ZNF333: variants seen among roughly 807,000 people sequenced by gnomAD.
ZNF333 encodes the protein zinc finger protein 333.
Under a neutral mutation model 76.1 loss-of-function variants are expected in ZNF333, and 61 were observed. The observed-to-expected ratio is 0.80, with a 90% CI of 0.65 to 0.99. The LOEUF is 0.99. Among genes scored for constraint, ZNF333 ranks in the 50% least tolerant of loss-of-function variants. The pLI, the probability that ZNF333 is intolerant of heterozygous loss-of-function variation, is 0.00. For synonymous variants in ZNF333, 284 were observed against 305.0 expected, an observed-to-expected ratio of 0.93 and a Z score of 0.72; for missense variants, 717 against 822.4, an observed-to-expected ratio of 0.87 and a Z score of 1.57.
rs1365242048 is a variant in ZNF333 at position 14,695,588 on chromosome 19, T to C, written c.150T>C (p.Ser50=). 3.1e-6 allele frequency: 5 copies of C among 1,613,976 alleles called. No individual in the cohort carries two copies. Among genetic ancestry groups the C allele is most frequent in the Middle Eastern group, 1.6e-4 (1 of 6,084 alleles). The change falls in exon 4 of 12, where the codon AGT becomes AGC. Residue 50 remains serine, a synonymous_variant. Coordinates refer to ENST00000292530, the MANE Select transcript of ZNF333 (RefSeq NM_032433.4). ...ASRGTPPCKP[S]CVSQLGQRAE... ...CAGGAACTCCACCATGCAAACCCAG[T>C]TGTGTCTCCCAGCTGGGGCAAAGAG...
chr19:14,719,538 A>G lies in ZNF333; in HGVS notation c.*213A>G. 9.2e-7 allele frequency: 1 copy of G among 1,088,142 alleles called. No homozygotes were observed. Among genetic ancestry groups the G allele is most frequent in the African/African-American group, 1.6e-5 (1 of 62,720 alleles). 67.4% of individuals were successfully genotyped at this position (1,088,142 alleles called of 1,614,324 possible). ...TGTGGATATATTTTCATAGAGGTAT[A>G]ATGACTTATAGTGAAATGCATACAT... is the stretch of plus-strand genomic sequence containing the variant. On this transcript the variant is annotated 3_prime_UTR_variant, in exon 12 of 12. Transcript: ENST00000292530.
intron 10 of ZNF333, 48 bp downstream of exon 10, chr19:14,717,137 A>T (rs1275485817): frequency 6.6e-7 from 1 of 1,519,582 alleles, no homozygotes; most frequent in East Asian, 2.4e-5. Flanking sequence ...CAGTAAGGGG[A>T]GTGTCCAGTT....
chr19:14,698,112 A>G (rs148930382), intron 4 of ZNF333, among the ~76,000 whole-genome samples: 1 of 152,232 alleles, frequency 6.6e-6, no homozygotes, highest in African/African-American at 2.4e-5. Context: ...TGGGCTGGGC[A>G]TGGTGGCTCA....
intron 7 of ZNF333, among the ~76,000 whole-genome samples, chr19:14,707,488 T>C (rs1270311132): frequency 1.3e-5 from 2 of 151,486 alleles, no homozygotes; most frequent in African/African-American, 4.8e-5. Flanking sequence ...ATTTTAACTT[T>C]AACAGTAAGG....
intron 7 of ZNF333, among the ~76,000 whole-genome samples, chr19:14,713,218 C>T (rs1036333147): frequency 6.6e-6 from 1 of 152,078 alleles, no homozygotes; most frequent in South Asian, 2.1e-4. Flanking sequence ...ATGGGGCAAG[C>T]AAAGGATAGA....
intron 2 of ZNF333, 39 bp from the exon 3 acceptor site, chr19:14,694,971 G>T: frequency 1.9e-6 from 3 of 1,613,506 alleles, no homozygotes; most frequent in Non-Finnish European, 1.7e-6. Context: ...CAGTGGTGGG[G>T]GTGGTATTTG....
At chr19:14,706,243 C>T (rs2042107095) in intron 6 of ZNF333, 1 of 451,144 alleles carries the variant, frequency 2.2e-6, no homozygotes, top group Non-Finnish European at 4.5e-6. Flanking sequence ...AGACGTGTTT[C>T]CTGAGCGAGC....
chr19:14,731,564 C>T (rs2524368), exon 12 of ZNF333: 47,145 of 207,436 alleles, frequency 0.23, 5,634 homozygotes, highest in Non-Finnish European at 0.25. Context: ...GTTCTTCAAA[C>T]GTGTACCCTA....
chr19:14,721,926 C>T (rs915295891), downstream of ZNF333: 20 of 152,318 alleles, frequency 1.3e-4, no homozygotes, highest in African/African-American at 4.6e-4. Flanking sequence ...ATTCATTTCT[C>T]TTGAGTATAA....
intron 1 of ZNF333, among the ~76,000 whole-genome samples, chr19:14,693,141 A>G (rs1430884717): frequency 6.6e-6 from 1 of 152,206 alleles, no homozygotes; most frequent in African/African-American, 2.4e-5. Context: ...AGTTGGAGAG[A>G]GAGAGGCCAA....
chr19:14,695,784 A>T (rs1463664172), intron 4 of ZNF333, 123 bp downstream of exon 4: 2 of 753,054 alleles, frequency 2.7e-6, no homozygotes. Context: ...ATTCGGAGTG[A>T]GGTTTCTCAA....
intron 5 of ZNF333, among the ~76,000 whole-genome samples, chr19:14,699,609 C>T (rs1973536011): frequency 6.6e-6 from 1 of 151,748 alleles, no homozygotes; most frequent in Non-Finnish European, 1.5e-5. Flanking sequence ...TGCAGGCGTG[C>T]ACCACCACGT....
In ZNF333 at chr19:14,706,847, C is replaced by T. The variant is rs2042125408; in HGVS notation, c.511+74C>T. On this transcript the variant is annotated intron_variant, in intron 7 of 11. Coordinates refer to ENST00000292530, the MANE Select transcript of ZNF333 (RefSeq NM_032433.4). ...TGTGTTCTGTCCAGGAACTTGTATC[C>T]TATCCTGCCTGCATTTCCTCTGACT... The T allele has an allele frequency of 2.3e-6, 3 of 1,299,304 alleles. No homozygotes were observed. The Middle Eastern group carries it at 7.9e-4, about 342-fold the overall frequency. 80.5% of individuals were successfully genotyped at this position (1,299,304 alleles called of 1,614,324 possible).
At chr19:14,711,356 C>G (rs2146997859) in intron 7 of ZNF333, among the ~76,000 whole-genome samples, 1 of 152,292 alleles carries the variant, frequency 6.6e-6, no homozygotes, top group Non-Finnish European at 1.5e-5. Context: ...CCATCCAGGC[C>G]TGCTGGGTTA....
At chr19:14,705,476 C>T (rs74565235) in intron 6 of ZNF333, among the ~76,000 whole-genome samples, 3,526 of 152,250 alleles carry the variant, frequency 0.023, 153 homozygotes, top group African/African-American at 0.079. Context: ...TCCATAACCT[C>T]GAAACTGACA....
chr19:14,697,357 C>CTTTTTTTTTTTTTTTTTT (rs139125023), intron 4 of ZNF333, among the ~76,000 whole-genome samples: 2 of 90,826 alleles, frequency 2.2e-5, no homozygotes, highest in Non-Finnish European at 4.4e-5. Context: ...TTTTTCTTTT[C>CTTTTTTTTTTTTTTTTTT]TTTTTTTTTT....
Position 14,721,168 on chromosome 19 carries a change from C to A in ZNF333, c.*1843C>A. ...TATCCCCAATTCCCAGATGAGGAAGCTGAGGCCCAGCAAGTTAAGGTGGGC... is the reference window on the plus strand; with the variant it reads ...TATCCCCAATTCCCAGATGAGGAAGATGAGGCCCAGCAAGTTAAGGTGGGC... On this transcript the variant is annotated 3_prime_UTR_variant, in exon 12 of 12. Transcript: ENST00000292530. 1 of 214,034 alleles carries A rather than the reference C, an allele frequency of 4.7e-6. No individual in the cohort carries two copies. Among genetic ancestry groups the A allele is most frequent in the Non-Finnish European group, 8.0e-6 (1 of 125,002 alleles). The allele number at this position is 214,034 out of a possible 1,614,324, so 13.3% of individuals were successfully genotyped here.
At position 14,719,926 on chromosome 19, in the gene ZNF333, C is replaced by T; in HGVS notation, c.*601C>T. 1.0e-6 allele frequency: 1 copy of T among 985,340 alleles called. No individual in the cohort carries two copies. Among genetic ancestry groups the T allele is most frequent in the African/African-American group, 1.7e-5 (1 of 57,282 alleles). 61.0% of individuals were successfully genotyped at this position (985,340 alleles called of 1,614,324 possible). ...CCCGGCTGGGCACGGTGGCTCATGC[C>T]TCTAATCCCAGCACTTTGGGAGGCT... On this transcript the variant is annotated 3_prime_UTR_variant, in exon 12 of 12. Transcript: ENST00000292530.
intron 1 of ZNF333, among the ~76,000 whole-genome samples, chr19:14,690,950 G>A (rs111898524): frequency 0.042 from 6,430 of 151,808 alleles, 146 homozygotes; most frequent in East Asian, 0.1. Flanking sequence ...CAAATTAGCC[G>A]AGCGTAGTGG....
Sources: allele counts gnomAD v4.1 joint callset (sites outside exome capture counted in the v4.1 genomes callset), GRCh38; gene constraint gnomAD v4.1.1; transcripts MANE v1.5; gene names NCBI Gene and HGNC (gene_info 2026-07-23, HGNC 2026-07-21).